The following HECTD4 variants were observed in gnomAD, a reference collection of about 807,000 sequenced individuals.
HECTD4 encodes the protein HECT domain E3 ubiquitin protein ligase 4, also known as probable E3 ubiquitin-protein ligase HECTD4.
Under a neutral mutation model 471.5 loss-of-function variants are expected in HECTD4, and 114 were observed. The ratio of observed to expected loss-of-function variants is 0.24; its 90% confidence interval spans 0.21 to 0.28. The LOEUF is 0.28. Ranked by LOEUF, HECTD4 falls within the 10% of genes least tolerant of loss-of-function variation. The pLI, the probability that HECTD4 is intolerant of heterozygous loss-of-function variation, is 1.00. For missense variants in HECTD4, 3,866 were observed against 5,651.5 expected (o/e 0.68, Z 10.13); for synonymous variants, 2,012 against 2,256.0 (o/e 0.89, Z 3.07).
chr12:112,314,322 G>T, intron 3 of HECTD4, 135 bp downstream of exon 3: 1 of 471,180 alleles, frequency 2.1e-6, no homozygotes, highest in East Asian at 3.3e-5. Context: ...TCTTAAGAAG[G>T]TAAATATGAG....
chr12:112,235,922 TGA>T lies in HECTD4; in HGVS notation c.5445-140_5445-139del. On this transcript the variant is annotated intron_variant, in intron 35 of 75. Coordinates refer to ENST00000682272, the MANE Select transcript of HECTD4 (RefSeq NM_001388303.1). The surrounding 1 kb of genome is among the most constrained non-coding windows in gnomAD (Gnocchi z 5.0). ...TCATGAATGTGGCACTATGCTTCTGTGAAGAATTAAGAATTTTGGAAACATTT... is the reference window on the plus strand; with the variant it reads ...TCATGAATGTGGCACTATGCTTCTGTAGAATTAAGAATTTTGGAAACATTT... 1.3e-6 allele frequency: 1 copy of T among 748,278 alleles called. No individual in the cohort carries two copies. The highest frequency in any genetic ancestry group is 2.1e-6 in the Non-Finnish European group (1 of 475,250). The allele number at this position is 748,278 out of a possible 1,614,324, so 46.4% of individuals were successfully genotyped here.
At chr12:112,258,089 T>C (rs548788029) in intron 20 of HECTD4, among the ~76,000 whole-genome samples, 3 of 151,814 alleles carry the variant, frequency 2.0e-5, no homozygotes, top group Admixed American at 6.6e-5. Flanking sequence ...CTCATGAGGC[T>C]GAGACAGGAG....
chr12:112,216,165 G>C (rs1000089712), intron 48 of HECTD4, 127 bp downstream of exon 48: 1 of 669,056 alleles, frequency 1.5e-6, no homozygotes, highest in East Asian at 2.8e-5. Flanking sequence ...GCAAGGACGT[G>C]TTTGGTTTTT....
At chr12:112,317,672 T>C (rs1566109879) in intron 2 of HECTD4, among the ~76,000 whole-genome samples, 1 of 152,058 alleles carries the variant, frequency 6.6e-6, no homozygotes, top group East Asian at 1.9e-4. Flanking sequence ...GAAGAATGTA[T>C]AAAATTCCTA....
intron 1 of HECTD4, among the ~76,000 whole-genome samples, chr12:112,374,030 A>C (rs1296955501): frequency 2.7e-5 from 4 of 148,902 alleles, no homozygotes; most frequent in African/African-American, 9.9e-5. Context: ...AAAAGTAACT[A>C]GTGATTTCTG....
Position 112,382,159 on chromosome 12 carries a change from C to T in HECTD4, c.-31G>A. 2 of 1,216,404 alleles carry T rather than the reference C, an allele frequency of 1.6e-6. No homozygotes were observed. Among genetic ancestry groups the T allele is most frequent in the Non-Finnish European group, 2.0e-6 (2 of 978,944 alleles). 75.4% of individuals were successfully genotyped at this position (1,216,404 alleles called of 1,614,324 possible). ...CGGCTGAAGGCTTGGCGCTGAGGAG[C>T]AGACGCCCGGCCGGGGGAAACGGAG... is the stretch of plus-strand genomic sequence containing the variant. On this transcript the variant is annotated 5_prime_UTR_variant, in exon 1 of 76. Coordinates refer to ENST00000682272, the MANE Select transcript of HECTD4 (RefSeq NM_001388303.1).
Position 112,188,694 on chromosome 12 carries a change from G to C in HECTD4, c.9472+2092C>G, listed in dbSNP as rs916204817. ...TGCTGAAGCTGACTTACTAAGTCCA[G>C]CACCTACCAAAGAGGGGATCAAGCT... On this transcript the variant is annotated intron_variant, in intron 60 of 75. Transcript: ENST00000682272. This position sits in a 1 kb window ranked among gnomAD's most constrained non-coding sequence, Gnocchi z 4.2. Among the ~76,000 whole-genome samples, 7 of 152,238 alleles carry C rather than the reference G, an allele frequency of 4.6e-5. No homozygotes were observed. Among genetic ancestry groups the C allele is most frequent in the African/African-American group, 1.4e-4 (6 of 41,468 alleles).
At position 112,190,813 on chromosome 12, in the gene HECTD4, C is replaced by T. The variant is rs370291314; in HGVS notation, c.9445G>A (p.Val3149Ile). Residue 3149 changes from valine (V) to isoleucine (I), a missense_variant, in exon 60 of 76, where the codon GTC (valine) becomes ATC (isoleucine). By Grantham distance (29) the Val-to-Ile change is conservative. This residue lies in a region of HECTD4 where 364 missense variants were observed against 413.2 expected (regional missense o/e 0.88). Transcript: ENST00000682272. ...EDEPDTIPTS[V>I]LLQVVELLGN... is the part of the protein sequence containing the mutation. ...AGCAGCTCCACCACCTGCAGGAGGA[C>T]GGATGTCGGAATGGTGTCAGGCTCA... The T allele has an allele frequency of 2.6e-5, 41 of 1,588,290 alleles. No individual in the cohort carries two copies. In the East Asian group the frequency reaches 2.8e-4, roughly 11 times the overall value.
intron 20 of HECTD4, chr12:112,256,771 T>C (rs1248738541): frequency 2.8e-5 from 8 of 284,504 alleles, no homozygotes; most frequent in African/African-American, 1.7e-4. Flanking sequence ...GAAGCAGAGA[T>C]ATATTTTCAT....
chr12:112,359,293 C>CTTT (rs1309972807), intron 1 of HECTD4, among the ~76,000 whole-genome samples: 1 of 143,538 alleles, frequency 7.0e-6, no homozygotes, highest in South Asian at 2.2e-4. Flanking sequence ...GTGAATCATG[C>CTTT]TTTTTTTTTT....
intron 11 of HECTD4, among the ~76,000 whole-genome samples, chr12:112,272,192 C>T (rs2034428539): frequency 6.6e-6 from 1 of 152,024 alleles, no homozygotes; most frequent in Non-Finnish European, 1.5e-5. Flanking sequence ...AGACTACAGG[C>T]GCCTGCCACC....
intron 35 of HECTD4, 112 bp downstream of exon 35, chr12:112,236,833 A>G (rs1021638911): frequency 1.9e-5 from 19 of 1,019,388 alleles, no homozygotes; most frequent in Middle Eastern, 5.2e-4. Flanking sequence ...GAGTGTGTCA[A>G]AATGGCCTAG....
rs1325828366 is a variant in HECTD4 at position 112,179,906 on chromosome 12, A to C, written c.10988-509T>G. On this transcript the variant is annotated intron_variant, in intron 62 of 75. Coordinates refer to ENST00000682272, the MANE Select transcript of HECTD4 (RefSeq NM_001388303.1). The surrounding 1 kb of genome is among the most constrained non-coding windows in gnomAD (Gnocchi z 4.3). ...ATCTCATTCATAGGAAATATTCTTC[A>C]AAACTGGCGCAATGAGCAGGTGAAA... Among the ~76,000 whole-genome samples, 2 of 152,254 alleles carry C rather than the reference A, an allele frequency of 1.3e-5. No homozygotes were observed. Among genetic ancestry groups the C allele is most frequent in the African/African-American group, 4.8e-5 (2 of 41,464 alleles).
intron 72 of HECTD4, among the ~76,000 whole-genome samples, chr12:112,164,813 G>C (rs2030865774): frequency 6.6e-6 from 1 of 151,120 alleles, no homozygotes; most frequent in Non-Finnish European, 1.5e-5. Flanking sequence ...GTAGAGACTG[G>C]GTTTCACTAT....
At chr12:112,300,245 G>A (rs995510894) in intron 7 of HECTD4, among the ~76,000 whole-genome samples, 3 of 150,266 alleles carry the variant, frequency 2.0e-5, no homozygotes, top group Non-Finnish European at 1.5e-5. Flanking sequence ...GGAGGTGGAG[G>A]TTGCAGTGAG....
intron 60 of HECTD4, among the ~76,000 whole-genome samples, chr12:112,189,209 TGA>T (rs1379041090): frequency 6.6e-6 from 1 of 152,074 alleles, no homozygotes; most frequent in Admixed American, 6.6e-5. Flanking sequence ...ATTTAAAAAT[TGA>T]GAAATTCACA....
In HECTD4 at chr12:112,162,737, C is replaced by T; in HGVS notation, c.13121-214G>A. The T allele has an allele frequency of 1.7e-6, 1 of 578,148 alleles. No homozygotes were observed. Among genetic ancestry groups the T allele is most frequent in the Non-Finnish European group, 3.0e-6 (1 of 333,510 alleles). 35.8% of individuals were successfully genotyped at this position (578,148 alleles called of 1,614,324 possible). On this transcript the variant is annotated intron_variant, in intron 75 of 75. Transcript: ENST00000682272. The surrounding 1 kb of genome is among the most constrained non-coding windows in gnomAD (Gnocchi z 5.2). Reference sequence around the variant, plus strand: ...GCTGGACAGCGCATGTGCCAAACTGCTGATGGGTTTGTCTGCCCAGCAAAT... The same window carrying T: ...GCTGGACAGCGCATGTGCCAAACTGTTGATGGGTTTGTCTGCCCAGCAAAT...
At chr12:112,293,364 CAAAA>C (rs754332904) in intron 7 of HECTD4, among the ~76,000 whole-genome samples, 1 of 69,898 alleles carries the variant, frequency 1.4e-5, no homozygotes, top group Non-Finnish European at 3.0e-5. Context: ...GACTCTGTCT[CAAAA>C]AAAAAAAAAA....
At chr12:112,196,296 G>A (rs773302337) in intron 55 of HECTD4, among the ~76,000 whole-genome samples, 10 of 152,342 alleles carry the variant, frequency 6.6e-5, no homozygotes, top group South Asian at 2.1e-4. Context: ...CACTTGATGA[G>A]TGTATGTGTG....
Sources: allele counts gnomAD v4.1 joint callset (sites outside exome capture counted in the v4.1 genomes callset), GRCh38; gene constraint gnomAD v4.1.1; regional missense constraint gnomAD v4.1.1; non-coding constraint Gnocchi (gnomAD v3.1); transcripts MANE v1.5; gene names NCBI Gene and HGNC (gene_info 2026-07-23, HGNC 2026-07-21).